Variants in SPAG6 observed in about 807,000 individuals in gnomAD.
The protein encoded by SPAG6 is sperm associated antigen 6, also known as sperm-associated antigen 6.
Under a neutral mutation model 58.5 loss-of-function variants are expected in SPAG6, and 49 were observed. That is an observed-to-expected ratio of 0.84 (90% confidence interval 0.67 to 1.06). The LOEUF (loss-of-function observed/expected upper bound fraction) is 1.06. SPAG6 is among the 50% of genes least tolerant of loss of function. The probability of loss-of-function intolerance (pLI) is 0.00; values close to 1 mark genes in which losing one functional copy is unlikely to be tolerated. For synonymous variants in SPAG6, 233 were observed against 225.6 expected (o/e 1.03, Z -0.29); for missense variants, 560 against 611.3 (o/e 0.92, Z 0.89).
At chr10:22,349,599 C>T (rs1836663342) in intron 2 of SPAG6, among the ~76,000 whole-genome samples, 1 of 152,144 alleles carries the variant, frequency 6.6e-6, no homozygotes, top group Non-Finnish European at 1.5e-5. Context: ...GACTTTTAAA[C>T]TTAGCTATAT....
chr10:22,396,552 C>G (rs200456451), intron 8 of SPAG6, among the ~76,000 whole-genome samples: 7 of 152,152 alleles, frequency 4.6e-5, no homozygotes, highest in Non-Finnish European at 1.0e-4. Context: ...ACACTGAGAG[C>G]AAGCCATATC....
Position 22,394,569 on chromosome 10 carries a change from T to C in SPAG6, c.1197+2649T>C, listed in dbSNP as rs142397239. On this transcript the variant is annotated intron_variant, in intron 8 of 10. Transcript: ENST00000376624. ...CCATCACCACTATCTAATTTTAGAATATTTTTATTCCCCATAAAAGAAATG... is the reference window on the plus strand; with the variant it reads ...CCATCACCACTATCTAATTTTAGAACATTTTTATTCCCCATAAAAGAAATG... Among the ~76,000 whole-genome samples, 9 of 152,346 alleles carry C rather than the reference T, an allele frequency of 5.9e-5. 1 individual carries two copies. In the East Asian group the frequency reaches 1.7e-3, roughly 29 times the overall value.
At position 22,417,412 on chromosome 10, in the gene SPAG6, T is replaced by A. The variant is rs570466050; in HGVS notation, c.*724T>A. ...AGGTTTCTTAGTCTAGCTCTGCTCA[T>A]GAATGAACAAAGAAGCAGGCATGTA... is the stretch of plus-strand genomic sequence containing the variant. On this transcript the variant is annotated 3_prime_UTR_variant, in exon 11 of 11. Transcript: ENST00000376624. The A allele has an allele frequency of 2.0e-5, 3 of 152,250 alleles. No homozygotes were observed. In the South Asian group the frequency reaches 6.2e-4, roughly 32 times the overall value. 9.4% of individuals were successfully genotyped at this position (152,250 alleles called of 1,614,324 possible). A position where few individuals can be genotyped will look rare whatever the true frequency, so the allele number is the denominator to read the frequency against.
At chr10:22,413,172 T>C (rs1834784505) in intron 10 of SPAG6, 1 of 149,274 alleles carries the variant, frequency 6.7e-6, no homozygotes, top group African/African-American at 2.5e-5. Flanking sequence ...TTTTTTTTTT[T>C]CCACTTTTTT....
intron 4 of SPAG6, among the ~76,000 whole-genome samples, chr10:22,380,868 G>A (rs926848395): frequency 1.1e-4 from 17 of 151,952 alleles, no homozygotes; most frequent in Non-Finnish European, 2.4e-4. Context: ...AAGTTCCAGA[G>A]GAGTTTTTTT....
chr10:22,411,419 C>T (rs1378484446), intron 10 of SPAG6: 1 of 357,104 alleles, frequency 2.8e-6, no homozygotes, highest in Non-Finnish European at 5.0e-6. Context: ...TTAACATGTG[C>T]TTTACTAAAG....
At chr10:22,360,689 A>T (rs1432364825) in intron 2 of SPAG6, 2 of 538,248 alleles carry the variant, frequency 3.7e-6, no homozygotes, top group African/African-American at 3.9e-5. Flanking sequence ...AGTATTGGAT[A>T]TAATATTACA....
At chr10:22,394,322 G>T (rs954228208) in intron 8 of SPAG6, among the ~76,000 whole-genome samples, 3 of 152,000 alleles carry the variant, frequency 2.0e-5, no homozygotes, top group Non-Finnish European at 2.9e-5. Flanking sequence ...GGATTTAGAG[G>T]CATCATATTG....
chr10:22,355,561 A>G (rs570106450), intron 2 of SPAG6, among the ~76,000 whole-genome samples: 2 of 152,344 alleles, frequency 1.3e-5, no homozygotes, highest in Admixed American at 6.5e-5. Context: ...ATTATTTACT[A>G]TTACAATTGA....
At position 22,387,918 on chromosome 10, in the gene SPAG6, C is replaced by T; in HGVS notation, c.774C>T (p.Thr258=). 6.2e-7 allele frequency: 1 copy of T among 1,613,260 alleles called. No individual in the cohort carries two copies. The highest frequency in any genetic ancestry group is 8.5e-7 in the Non-Finnish European group (1 of 1,179,580). ...VEAEIFPVVL[T]CLKDKDEYVK... is the part of the protein sequence containing the mutation. ...CAGAGATTTTTCCAGTTGTACTTAC[C>T]TGTCTGAAGGACAAGGATGAATACG... Residue 258 remains threonine, a synonymous_variant, in exon 6 of 11, where the codon ACC becomes ACT. Coordinates refer to ENST00000376624, the MANE Select transcript of SPAG6 (RefSeq NM_012443.4).
chr10:22,389,453 C>G, intron 7 of SPAG6, 141 bp downstream of exon 7: 2 of 753,072 alleles, frequency 2.7e-6, no homozygotes, highest in East Asian at 5.4e-5. Context: ...TGTTTCAATG[C>G]TTATTAGCAA....
intron 10 of SPAG6, chr10:22,412,965 AT>A (rs1779131040): frequency 1.3e-5 from 2 of 149,528 alleles, no homozygotes; most frequent in South Asian, 4.2e-4. Context: ...AACAAAATTA[AT>A]TTTTATACGT....
intron 4 of SPAG6, among the ~76,000 whole-genome samples, chr10:22,372,939 AC>A (rs1349963757): frequency 6.6e-6 from 1 of 152,220 alleles, no homozygotes; most frequent in Non-Finnish European, 1.5e-5. Flanking sequence ...ACAGCAATTT[AC>A]GGTGGAACTG....
At chr10:22,355,325 A>G (rs888727497) in intron 2 of SPAG6, among the ~76,000 whole-genome samples, 3 of 152,204 alleles carry the variant, frequency 2.0e-5, no homozygotes, top group South Asian at 2.1e-4. Context: ...GAAATGCTAT[A>G]TAAGTGTTTG....
chr10:22,411,646 A>G (rs1834737979), intron 10 of SPAG6: 2 of 152,348 alleles, frequency 1.3e-5, no homozygotes, highest in African/African-American at 4.8e-5. Flanking sequence ...AATGATGTTT[A>G]TTATTTACAG....
At chr10:22,351,134 G>C (rs1836716545) in intron 2 of SPAG6, among the ~76,000 whole-genome samples, 1 of 152,178 alleles carries the variant, frequency 6.6e-6, no homozygotes, top group Non-Finnish European at 1.5e-5. Context: ...TCCAATAACT[G>C]GAAAATTTGG....
chr10:22,349,818 T>A (rs1020578773), intron 2 of SPAG6, among the ~76,000 whole-genome samples: 10 of 152,120 alleles, frequency 6.6e-5, no homozygotes, highest in African/African-American at 2.4e-4. Context: ...ACTTAATGGG[T>A]TCAGAATTCA....
At chr10:22,401,944 C>A (rs1429060369) in intron 9 of SPAG6, among the ~76,000 whole-genome samples, 1 of 152,108 alleles carries the variant, frequency 6.6e-6, no homozygotes, top group African/African-American at 2.4e-5. Context: ...CTAAATTATG[C>A]TCAGTGAATT....
chr10:22,360,932 A>C, intron 2 of SPAG6: 1 of 834,490 alleles, frequency 1.2e-6, no homozygotes, highest in Non-Finnish European at 2.0e-6. Flanking sequence ...ATTTTTATGC[A>C]GTTTCCTTGC....
Sources: gnomAD v4.1 joint callset for allele counts (sites outside exome capture counted in the v4.1 genomes callset) on GRCh38, gnomAD v4.1.1 for gene constraint, MANE v1.5 for transcripts, NCBI Gene and HGNC (gene_info 2026-07-23, HGNC 2026-07-21) for gene names.